The following DOCK10 variants were observed in gnomAD, a reference collection of about 807,000 sequenced individuals.
DOCK10 encodes the protein dedicator of cytokinesis protein 10.
In DOCK10, 145 loss-of-function variants were observed where a neutral mutation model predicts 280.1. The observed-to-expected ratio is 0.52, with a 90% CI of 0.45 to 0.59. The LOEUF (loss-of-function observed/expected upper bound fraction) is 0.59, where lower values mean the gene tolerates loss of function less well. Ranked by LOEUF, DOCK10 falls within the 20% of genes least tolerant of loss-of-function variation. The pLI is 0.00. For synonymous variants in DOCK10, 915 were observed against 942.2 expected (o/e 0.97, Z 0.53); for missense variants, 2,368 against 2,651.7 (o/e 0.89, Z 2.35).
At chr2:224,905,496 G>T (rs924524233) in intron 3 of DOCK10, among the ~76,000 whole-genome samples, 5 of 151,794 alleles carry the variant, frequency 3.3e-5, no homozygotes, top group Non-Finnish European at 5.9e-5. Context: ...TGATCCACCC[G>T]CCTCGGCCTC....
At chr2:224,985,840 T>A (rs921280) in intron 1 of DOCK10, among the ~76,000 whole-genome samples, 63,258 of 151,970 alleles carry the variant, frequency 0.42, 14,084 homozygotes, top group African/African-American at 0.53. Flanking sequence ...CTGTACATGT[T>A]GATATATCCA....
intron 7 of DOCK10, 22 bp downstream of exon 7, chr2:224,885,649 A>G (rs1559655857): frequency 6.4e-7 from 1 of 1,554,776 alleles, no homozygotes; most frequent in Non-Finnish European, 8.7e-7. Flanking sequence ...AATCCCAAGG[A>G]GGAAAAGGGA....
chr2:225,002,744 G>T (rs923784032), intron 1 of DOCK10, among the ~76,000 whole-genome samples: 10 of 151,920 alleles, frequency 6.6e-5, no homozygotes, highest in African/African-American at 2.4e-4. Context: ...GAAACAGTCT[G>T]GAATGTTGTT....
chr2:224,961,462 C>CTT (rs1559873980), intron 1 of DOCK10, among the ~76,000 whole-genome samples: 3 of 123,652 alleles, frequency 2.4e-5, no homozygotes, highest in South Asian at 2.8e-4. Flanking sequence ...TTCTTTCTTT[C>CTT]TTTCTTTTTC....
At chr2:224,832,742 CCAA>C (rs1254270094) in intron 26 of DOCK10, among the ~76,000 whole-genome samples, 1 of 152,160 alleles carries the variant, frequency 6.6e-6, no homozygotes, top group Non-Finnish European at 1.5e-5. Context: ...GTCAAGTGTT[CCAA>C]CATTTGTCTC....
At chr2:224,983,862 T>G in intron 1 of DOCK10, 1 of 470,964 alleles carries the variant, frequency 2.1e-6, no homozygotes, top group Non-Finnish European at 4.4e-6. Context: ...GTCCCCTAAC[T>G]CCCTCTGGAC....
intron 1 of DOCK10, among the ~76,000 whole-genome samples, chr2:224,991,270 T>C (rs911482551): frequency 2.6e-5 from 4 of 152,170 alleles, no homozygotes; most frequent in Non-Finnish European, 5.9e-5. Context: ...AGCATGAGTT[T>C]TGGAATTGAA....
chr2:224,835,692 A>C (rs1012423750), intron 25 of DOCK10, among the ~76,000 whole-genome samples: 1 of 152,210 alleles, frequency 6.6e-6, no homozygotes, highest in East Asian at 1.9e-4. Context: ...TCTAGAATTG[A>C]CTAGAATCTA....
At chr2:225,041,890 C>G (rs1013388596) in intron 1 of DOCK10, among the ~76,000 whole-genome samples, 1 of 152,218 alleles carries the variant, frequency 6.6e-6, no homozygotes, top group Non-Finnish European at 1.5e-5. Flanking sequence ...CCCCCCACCC[C>G]ACCCGGGGTC....
chr2:224,988,655 T>G, intron 1 of DOCK10, among the ~76,000 whole-genome samples: 1 of 152,188 alleles, frequency 6.6e-6, no homozygotes, highest in East Asian at 1.9e-4. Context: ...TGAGAGCTGG[T>G]CTGTCCCTCA....
Position 224,780,601 on chromosome 2 carries a change from G to A in DOCK10, c.5656-2317C>T, listed in dbSNP as rs533433316. 7.6e-4 allele frequency among the ~76,000 whole-genome samples: 115 copies of A among 152,116 alleles called. 2 individuals are homozygous for A. The South Asian group carries it at 0.023, about 31-fold the overall frequency. On this transcript the variant is annotated intron_variant, in intron 50 of 55. Transcript: ENST00000258390. ...AGCAGAAAATGAGTGGTGGGAGGCA[G>A]GTAAAAATTGTCATCATCGGCTGGG...
chr2:224,995,332 G>T (rs1296846401), intron 1 of DOCK10, among the ~76,000 whole-genome samples: 2 of 152,170 alleles, frequency 1.3e-5, no homozygotes, highest in East Asian at 1.9e-4. Context: ...GTTGGAGTCC[G>T]CCTTGAAGAC....
intron 1 of DOCK10, among the ~76,000 whole-genome samples, chr2:224,955,894 C>T (rs1704008272): frequency 1.3e-5 from 2 of 152,138 alleles, no homozygotes; most frequent in African/African-American, 2.4e-5. Flanking sequence ...CATAAGGGCA[C>T]CCATATGTAT....
In DOCK10 at chr2:224,823,646, A is replaced by C. The variant is rs1291871649; in HGVS notation, c.3038T>G (p.Leu1013Arg). 3 of 1,590,154 alleles carry C rather than the reference A, an allele frequency of 1.9e-6. No individual in the cohort carries two copies. The highest frequency in any genetic ancestry group is 2.6e-6 in the Non-Finnish European group (3 of 1,171,700). ...QHLIDTNKIQ[L>R]PRPQRFPESY... ...TTCAGGAAATCTCTGAGGCCGGGGA[A>C]GCTAAGGAAAGAACGGATTATATCT... Residue 1013 changes from leucine (L) to arginine (R), a missense_variant and splice_region_variant, in exon 28 of 56, where the codon CTT becomes CGT. Transcript: ENST00000258390.
chr2:224,829,269 A>G (rs575057842), intron 27 of DOCK10, among the ~76,000 whole-genome samples: 3 of 152,206 alleles, frequency 2.0e-5, no homozygotes, highest in Non-Finnish European at 4.4e-5. Context: ...CAGTAGATCC[A>G]CTGGGTTCAA....
chr2:224,770,465 G>T lies in DOCK10; in HGVS notation c.6305+80C>A. The T allele has an allele frequency of 3.8e-6, 6 of 1,569,664 alleles. No individual in the cohort carries two copies. The highest frequency in any genetic ancestry group is 5.2e-6 in the Non-Finnish European group (6 of 1,146,500). ...GACTCTGCCACCTCAGTGAGTTTTG[G>T]TGTGATGGATTCTTGGGGGATTGAG... On this transcript the variant is annotated intron_variant, in intron 54 of 55. Coordinates refer to ENST00000258390, the MANE Select transcript of DOCK10 (RefSeq NM_014689.3). The surrounding 1 kb of genome is among the most constrained non-coding windows in gnomAD (Gnocchi z 4.5).
At chr2:224,995,273 C>T (rs1706240010) in intron 1 of DOCK10, among the ~76,000 whole-genome samples, 1 of 152,220 alleles carries the variant, frequency 6.6e-6, no homozygotes, top group South Asian at 2.1e-4. Context: ...TAGTCCCATT[C>T]AGAGCGGGAA....
chr2:224,798,041 G>A, intron 41 of DOCK10, 72 bp from the exon 42 acceptor site: 1 of 1,474,856 alleles, frequency 6.8e-7, no homozygotes, highest in Non-Finnish European at 9.3e-7. Context: ...AATATTTATT[G>A]TGAACCTGTC....
chr2:224,982,919 A>G (rs1182658454), intron 1 of DOCK10, among the ~76,000 whole-genome samples: 1 of 152,178 alleles, frequency 6.6e-6, no homozygotes. Flanking sequence ...CTTATCTGAA[A>G]CATAGAGTTC....
Sources: allele counts gnomAD v4.1 joint callset (sites outside exome capture counted in the v4.1 genomes callset), GRCh38; gene constraint gnomAD v4.1.1; non-coding constraint Gnocchi (gnomAD v3.1); transcripts MANE v1.5; gene names NCBI Gene and HGNC (gene_info 2026-07-23, HGNC 2026-07-21).